Variants in RBMXL2 observed in about 807,000 individuals in gnomAD.
RBMXL2 encodes RNA-binding motif protein, X-linked-like-2.
In RBMXL2, 2 loss-of-function variants were observed where a neutral mutation model predicts 1.0. The observed-to-expected ratio is 2.05, with a 90% CI of 0.84 to 6.44. The LOEUF (loss-of-function observed/expected upper bound fraction) is 6.44. Among genes scored for constraint, RBMXL2 ranks in the 30% most tolerant of loss-of-function variants. The pLI is 0.05. For missense variants in RBMXL2, 658 were observed against 608.5 expected, an observed-to-expected ratio of 1.08 and a Z score of -0.85; for synonymous variants, 313 against 267.9, an observed-to-expected ratio of 1.17 and a Z score of -1.64.
rs2075907986 is a variant in RBMXL2, at chr11:7,089,519, C to CGCG, written c.399_400insGCG (p.Tyr133_Thr134insAla). 8.2e-7 allele frequency: 1 copy of CGCG among 1,223,396 alleles called. No individual in the cohort carries two copies. The highest frequency in any genetic ancestry group is 1.0e-6 in the Non-Finnish European group (1 of 981,074). The allele number at this position is 1,223,396 out of a possible 1,614,324, so 75.8% of individuals were successfully genotyped here. On this transcript the variant is annotated inframe_insertion, in exon 1 of 1. Transcript: ENST00000306904. ...GCGGGCCCGATGATGACGGCGGCTACACGGCGGATTTCGACCTGCGGCCCT... is the reference window on the plus strand; with the variant it reads ...GCGGGCCCGATGATGACGGCGGCTACGCGACGGCGGATTTCGACCTGCGGCCCT...
Position 7,089,821 on chromosome 11 carries a change from C to A in RBMXL2, c.701C>A (p.Ser234Ter). The part of the protein sequence containing the change: ...DYREPRGFAP[S>*]PGEYTHRDYG... The stretch of plus-strand genomic sequence containing the variant: ...CGCGAACCCCGGGGTTTTGCCCCCT[C>A]GCCCGGAGAGTACACCCACCGCGAT... The change falls in exon 1 of 1, where the codon TCG becomes TAG. Residue 234 changes from serine to a stop codon, truncating the protein, a stop_gained. Coordinates refer to ENST00000306904, the MANE Select transcript of RBMXL2 (RefSeq NM_014469.5). LOFTEE classifies it low-confidence loss of function (END_TRUNC). The A allele has an allele frequency of 6.2e-7, 1 of 1,608,486 alleles. No homozygotes were observed. Among genetic ancestry groups the A allele is most frequent in the Admixed American group, 1.7e-5 (1 of 59,986 alleles).
Position 7,089,457 on chromosome 11 carries a change from G to C in RBMXL2, c.337G>C (p.Gly113Arg). ...GRPRFLRGTRGGGGGPRRSPS... is the reference protein window; with the variant it reads ...GRPRFLRGTRRGGGGPRRSPS... ...CCCGAGGTTCCTGCGCGGAACCCGC[G>C]GGGGTGGCGGCGGCCCGCGGCGTTC... Residue 113 changes from glycine to arginine, a missense_variant, in exon 1 of 1, where the codon GGG becomes CGG. Gly to Arg is a moderately radical substitution (Grantham distance 125, BLOSUM62 -2). Transcript: ENST00000306904. 3 of 1,336,090 alleles carry C rather than the reference G, an allele frequency of 2.2e-6. No individual in the cohort carries two copies. Among genetic ancestry groups the C allele is most frequent in the Non-Finnish European group, 2.9e-6 (3 of 1,044,036 alleles). 82.8% of individuals were successfully genotyped at this position (1,336,090 alleles called of 1,614,324 possible). A position where few individuals can be genotyped will look rare whatever the true frequency, so the allele number is the denominator to read the frequency against.
Position 7,089,617 on chromosome 11 carries a change from C to A in RBMXL2, c.497C>A (p.Pro166Gln). The stretch of plus-strand genomic sequence containing the variant: ...GGCCCACCCCCCAAGAGGGCCGCGC[C>A]GTCGGGCCCGGCTCGCAGCAGCGGC... ...RVGPPPKRAA[P>Q]SGPARSSGGG... Residue 166 changes from proline (P) to glutamine (Q), a missense_variant, in exon 1 of 1, where the codon CCG becomes CAG. Pro to Gln is a moderately conservative substitution (Grantham distance 76, BLOSUM62 -1). Transcript: ENST00000306904. The A allele has an allele frequency of 3.3e-6, 4 of 1,210,248 alleles. No individual in the cohort carries two copies. The highest frequency in any genetic ancestry group is 4.1e-6 in the Non-Finnish European group (4 of 974,278). 75.0% of individuals were successfully genotyped at this position (1,210,248 alleles called of 1,614,324 possible). A position where few individuals can be genotyped will look rare whatever the true frequency, so the allele number is the denominator to read the frequency against.
chr11:7,089,521 C>T lies in RBMXL2; in HGVS notation c.401C>T (p.Thr134Met), dbSNP rs775021447. The change falls in exon 1 of 1, where the codon ACG (threonine) becomes ATG (methionine). Residue 134 changes from threonine (T) to methionine (M), a missense_variant. Coordinates refer to ENST00000306904, the MANE Select transcript of RBMXL2 (RefSeq NM_014469.5). Reference sequence around the variant, plus strand: ...GGGCCCGATGATGACGGCGGCTACACGGCGGATTTCGACCTGCGGCCCTCC... The same window carrying T: ...GGGCCCGATGATGACGGCGGCTACATGGCGGATTTCGACCTGCGGCCCTCC... ...RGGPDDDGGYTADFDLRPSRA... is the reference protein window; with the variant it reads ...RGGPDDDGGYMADFDLRPSRA... 13 of 1,209,978 alleles carry T rather than the reference C, an allele frequency of 1.1e-5. 1 individual carries two copies. The highest frequency in any genetic ancestry group is 9.1e-5 in the South Asian group (3 of 33,134). The allele number at this position is 1,209,978 out of a possible 1,614,324, so 75.0% of individuals were successfully genotyped here. A position where few individuals can be genotyped will look rare whatever the true frequency, so the allele number is the denominator to read the frequency against.
Position 7,089,953 on chromosome 11 carries a change from C to T in RBMXL2, c.833C>T (p.Ser278Phe), listed in dbSNP as rs1332343679. The T allele has an allele frequency of 1.9e-6, 3 of 1,612,878 alleles. No homozygotes were observed. Among genetic ancestry groups the T allele is most frequent in the African/African-American group, 2.7e-5 (2 of 74,886 alleles). ...TACGGGGATCATCTGAGCAGAGGCTCCCATCGAGAGCCCTTTGAGAGCTAC... is the reference window on the plus strand; with the variant it reads ...TACGGGGATCATCTGAGCAGAGGCTTCCATCGAGAGCCCTTTGAGAGCTAC... The part of the protein sequence containing the change: ...RDYGDHLSRG[S>F]HREPFESYGE... Residue 278 changes from serine (S) to phenylalanine (F), a missense_variant, in exon 1 of 1, where the codon TCC (serine) becomes TTC (phenylalanine). By Grantham distance (155) the Ser-to-Phe change is radical. Transcript: ENST00000306904.
rs1853105521 is a variant in RBMXL2 at position 7,090,195 on chromosome 11, C to T, written c.1075C>T (p.Pro359Ser). The T allele has an allele frequency of 1.9e-6, 3 of 1,613,178 alleles. No homozygotes were observed. The highest frequency in any genetic ancestry group is 1.7e-5 in the Admixed American group (1 of 59,934). Residue 359 changes from proline to serine, a missense_variant, in exon 1 of 1, where the codon CCT becomes TCT. Pro to Ser is a moderately conservative substitution (Grantham distance 74). Transcript: ENST00000306904. The stretch of plus-strand genomic sequence containing the variant: ...CTCTCTGTCCATGGAAAGGGGCTGC[C>T]CTCCCCAGCGTGATTCTTACAGCCG... ...GLSLSMERGC[P>S]PQRDSYSRSG... is the part of the protein sequence containing the mutation.
chr11:7,089,338 C>G lies in RBMXL2; in HGVS notation c.218C>G (p.Ser73Cys). Residue 73 changes from serine (S) to cysteine (C), a missense_variant, in exon 1 of 1, where the codon TCC (serine) becomes TGC (cysteine). Transcript: ENST00000306904. Reference protein sequence around the residue: ...KAAARDMNGKSLDGKAIKVAQ... With the variant: ...KAAARDMNGKCLDGKAIKVAQ... ...GCCGCCAGAGACATGAACGGCAAGT[C>G]CCTGGATGGTAAGGCCATCAAGGTG... 5 of 1,608,114 alleles carry G rather than the reference C, an allele frequency of 3.1e-6. No homozygotes were observed. Among genetic ancestry groups the G allele is most frequent in the Non-Finnish European group, 4.2e-6 (5 of 1,177,236 alleles).
In RBMXL2 at chr11:7,090,026, C is replaced by T. The variant is rs774916563; in HGVS notation, c.906C>T (p.Tyr302=). 2 of 1,613,086 alleles carry T rather than the reference C, an allele frequency of 1.2e-6. No individual in the cohort carries two copies. Among genetic ancestry groups the T allele is most frequent in the South Asian group, 2.2e-5 (2 of 91,054 alleles). Residue 302 remains tyrosine, a synonymous_variant, in exon 1 of 1, where the codon TAC becomes TAT. Transcript: ENST00000306904. ...CAGGACGGGGGACACCGCCATCTTA[C>T]GGAGGAGGAGGCCGCTACGAGGAGT... The part of the protein sequence containing the change: ...AAPGRGTPPS[Y]GGGGRYEEYR...
At position 7,089,267 on chromosome 11, in the gene RBMXL2, G is replaced by T; in HGVS notation, c.147G>T (p.Arg49Ser). The change falls in exon 1 of 1, where the codon AGG (arginine) becomes AGT (serine). Residue 49 changes from arginine (R) to serine (S), a missense_variant. Transcript: ENST00000306904. Reference protein sequence around the residue: ...LMKDRETNKSRGFAFVTFESP... With the variant: ...LMKDRETNKSSGFAFVTFESP... Reference sequence around the variant, plus strand: ...AAGACCGAGAAACCAACAAGTCGAGGGGCTTCGCGTTCGTCACCTTTGAAA... The same window carrying T: ...AAGACCGAGAAACCAACAAGTCGAGTGGCTTCGCGTTCGTCACCTTTGAAA... The T allele has an allele frequency of 1.2e-6, 2 of 1,610,138 alleles. No homozygotes were observed. Among genetic ancestry groups the T allele is most frequent in the Non-Finnish European group, 1.7e-6 (2 of 1,178,074 alleles).
In RBMXL2 at chr11:7,090,515, A is replaced by T; in HGVS notation, c.*216A>T. On this transcript the variant is annotated 3_prime_UTR_variant, in exon 1 of 1. Coordinates refer to ENST00000306904, the MANE Select transcript of RBMXL2 (RefSeq NM_014469.5). The stretch of plus-strand genomic sequence containing the variant: ...GGAATTGTTAACGTTTCTTTCAACA[A>T]GCTCCTGTTAAAAGTATATGAACCT... 4 of 637,358 alleles carry T rather than the reference A, an allele frequency of 6.3e-6. No individual in the cohort carries two copies. 39.5% of individuals were successfully genotyped at this position (637,358 alleles called of 1,614,324 possible).
In RBMXL2 at chr11:7,089,024, C is replaced by T; in HGVS notation, c.-97C>T. On this transcript the variant is annotated 5_prime_UTR_variant, in exon 1 of 1. Transcript: ENST00000306904. ...GACTCGGCGACTAGGCGCCGCCTGA[C>T]CAGTAGGAGCCGCCCTCGACGAGCG... 3 of 1,421,062 alleles carry T rather than the reference C, an allele frequency of 2.1e-6. No individual in the cohort carries two copies. Among genetic ancestry groups the T allele is most frequent in the Non-Finnish European group, 2.9e-6 (3 of 1,028,322 alleles). 88.0% of individuals were successfully genotyped at this position (1,421,062 alleles called of 1,614,324 possible).
Position 7,090,110 on chromosome 11 carries a change from T to C in RBMXL2, c.990T>C (p.Tyr330=), listed in dbSNP as rs550909210. The C allele has an allele frequency of 3.1e-6, 5 of 1,612,358 alleles. No homozygotes were observed. Among genetic ancestry groups the C allele is most frequent in the South Asian group, 2.2e-5 (2 of 91,044 alleles). ...SGGRDSYSSS[Y]GRSDRYSRGR... ...GCCGCGACAGTTACAGCAGCAGTTA[T>C]GGCCGGAGCGACCGCTACTCGAGGG... The change falls in exon 1 of 1, where the codon TAT becomes TAC. Residue 330 remains tyrosine (Y), a synonymous_variant. Coordinates refer to ENST00000306904, the MANE Select transcript of RBMXL2 (RefSeq NM_014469.5).
At position 7,090,690 on chromosome 11, in the gene RBMXL2, AAACCAACTAGATTTTG is replaced by A; in HGVS notation, c.*392_*407del. 2 of 302,908 alleles carry A rather than the reference AAACCAACTAGATTTTG, an allele frequency of 6.6e-6. No individual in the cohort carries two copies. Among genetic ancestry groups the A allele is most frequent in the Non-Finnish European group, 1.3e-5 (2 of 150,798 alleles). 18.8% of individuals were successfully genotyped at this position (302,908 alleles called of 1,614,324 possible). ...GAAAAACGGATCATTCTGCTCATTT[AAACCAACTAGATTTTG>A]GGTGGAGAGTGGGAGGGATTGGTGT... On this transcript the variant is annotated 3_prime_UTR_variant, in exon 1 of 1. Transcript: ENST00000306904.
In RBMXL2 at chr11:7,089,928, T is replaced by C. The variant is rs1461611857; in HGVS notation, c.808T>C (p.Tyr270His). 1 of 1,612,628 alleles carries C rather than the reference T, an allele frequency of 6.2e-7. No homozygotes were observed. Among genetic ancestry groups the C allele is most frequent in the South Asian group, 1.1e-5 (1 of 91,056 alleles). ...CGGCTACGGAGGTCGCGACCGTGAC[T>C]ACGGGGATCATCTGAGCAGAGGCTC... ...RDGYGGRDRD[Y>H]GDHLSRGSHR... The change falls in exon 1 of 1, where the codon TAC becomes CAC. Residue 270 changes from tyrosine to histidine, a missense_variant. Transcript: ENST00000306904.
chr11:7,089,141 G>C lies in RBMXL2; in HGVS notation c.21G>C (p.Pro7=). ...CAAACATGGTTGAAGCGGATCGCCC[G>C]GGGAAGCTGTTCATTGGGGGCCTCA... MVEADR[P]GKLFIGGLNL... Residue 7 remains proline (P), a synonymous_variant, in exon 1 of 1, where the codon CCG becomes CCC. Transcript: ENST00000306904. 6.2e-7 allele frequency: 1 copy of C among 1,613,838 alleles called. No homozygotes were observed. Among genetic ancestry groups the C allele is most frequent in the Non-Finnish European group, 8.5e-7 (1 of 1,179,856 alleles).
In RBMXL2 at chr11:7,089,435, G is replaced by A. The variant is rs761893439; in HGVS notation, c.315G>A (p.Pro105=). The change falls in exon 1 of 1, where the codon CCG becomes CCA. Residue 105 remains proline, a synonymous_variant. Coordinates refer to ENST00000306904, the MANE Select transcript of RBMXL2 (RefSeq NM_014469.5). ...CGCCTCCCCGCAGCCGCGGTCGCCCGAGGTTCCTGCGCGGAACCCGCGGGG... is the reference window on the plus strand; with the variant it reads ...CGCCTCCCCGCAGCCGCGGTCGCCCAAGGTTCCTGCGCGGAACCCGCGGGG... ...GPPPPRSRGR[P]RFLRGTRGGG... is the part of the protein sequence containing the mutation. The A allele has an allele frequency of 4.3e-5, 67 of 1,545,142 alleles. No homozygotes were observed. The East Asian group carries it at 1.3e-3, about 31-fold the overall frequency.
At position 7,090,348 on chromosome 11, in the gene RBMXL2, AAAG is replaced by A. The variant is rs775696011; in HGVS notation, c.*55_*57del. The A allele has an allele frequency of 1.6e-5, 25 of 1,535,540 alleles. No homozygotes were observed. Among genetic ancestry groups the A allele is most frequent in the Middle Eastern group, 2.1e-4 (1 of 4,846 alleles). On this transcript the variant is annotated 3_prime_UTR_variant, in exon 1 of 1. Coordinates refer to ENST00000306904, the MANE Select transcript of RBMXL2 (RefSeq NM_014469.5). The stretch of plus-strand genomic sequence containing the variant: ...AATCCCTTTTCAACGAAACTAACAA[AAAG>A]AAGAACCTGTTGTATGGTAACTACC...
Position 7,089,748 on chromosome 11 carries a change from C to G in RBMXL2, c.628C>G (p.Arg210Gly). The change falls in exon 1 of 1, where the codon CGG (arginine) becomes GGG (glycine). Residue 210 changes from arginine (R) to glycine (G), a missense_variant. Physicochemically the swap from Arg to Gly is moderately radical, Grantham distance 125. Coordinates refer to ENST00000306904, the MANE Select transcript of RBMXL2 (RefSeq NM_014469.5). ...PPRRDPYLGP[R>G]DEGYSSRDGY... ...GCGCCGCGACCCCTACCTGGGCCCG[C>G]GGGATGAGGGCTACTCGTCCAGAGA... The G allele has an allele frequency of 1.3e-6, 2 of 1,556,896 alleles. No homozygotes were observed. Among genetic ancestry groups the G allele is most frequent in the Middle Eastern group, 1.7e-4 (1 of 6,006 alleles).
rs1308568566 is a variant in RBMXL2, at chr11:7,090,128, C to T, written c.1008C>T (p.Tyr336=). The T allele has an allele frequency of 1.2e-6, 2 of 1,612,834 alleles. No homozygotes were observed. The highest frequency in any genetic ancestry group is 2.2e-5 in the East Asian group (1 of 44,868). The change falls in exon 1 of 1, where the codon TAC becomes TAT. Residue 336 remains tyrosine, a synonymous_variant. Coordinates refer to ENST00000306904, the MANE Select transcript of RBMXL2 (RefSeq NM_014469.5). ...GCAGTTATGGCCGGAGCGACCGCTA[C>T]TCGAGGGGCCGACACCGGGTGGGCA... The part of the protein sequence containing the change: ...YSSSYGRSDR[Y]SRGRHRVGRP...
Sources: gnomAD v4.1 joint callset for allele counts on GRCh38, gnomAD v4.1.1 for gene constraint, MANE v1.5 for transcripts, NCBI Gene and HGNC (gene_info 2026-07-23, HGNC 2026-07-21) for gene names.